CHIC2: variants seen among roughly 807,000 people sequenced by gnomAD.
The protein encoded by CHIC2 is cysteine rich hydrophobic domain 2.
CHIC2 carries 14 observed loss-of-function variants against 25.9 expected under a neutral mutation model. The ratio of observed to expected loss-of-function variants is 0.54; its 90% CI spans 0.36 to 0.85. CHIC2 has a LOEUF of 0.85. Ranked by LOEUF, CHIC2 falls within the 40% of genes least tolerant of loss-of-function variation. The pLI, the probability that CHIC2 is intolerant of heterozygous loss-of-function variation, is 0.01. For missense variants in CHIC2, 146 were observed against 202.0 expected (o/e 0.72, Z 1.68); for synonymous variants, 70 against 72.0 (o/e 0.97, Z 0.14).
At chr4:54,047,003 C>A (rs1423719604) in intron 3 of CHIC2, among the ~76,000 whole-genome samples, 3 of 152,086 alleles carry the variant, frequency 2.0e-5, no homozygotes, top group Non-Finnish European at 4.4e-5. Flanking sequence ...TGAACAGACA[C>A]TTCTCAAAAG....
At chr4:54,072,251 G>C in the CHIC2 span, among the ~76,000 whole-genome samples, 2 of 151,508 alleles carry the variant, frequency 1.3e-5, no homozygotes, top group East Asian at 3.9e-4. Context: ...GCAGTGAGCC[G>C]AGATTGCGCC....
intron 3 of CHIC2, among the ~76,000 whole-genome samples, chr4:54,043,420 C>CAA (rs902677237): frequency 2.9e-4 from 16 of 55,858 alleles, no homozygotes; most frequent in African/African-American, 7.5e-4. Flanking sequence ...GACTCCATTT[C>CAA]AAAAAAAAAA....
At position 54,062,263 on chromosome 4, in the gene CHIC2, G is replaced by A. The variant is rs533399897; in HGVS notation, c.119+1919C>T. 2.0e-5 allele frequency among the ~76,000 whole-genome samples: 3 copies of A among 152,182 alleles called. No homozygotes were observed. In the East Asian group the frequency reaches 5.8e-4, roughly 29 times the overall value. ...AAAGGCATACTGTTTATTGATGATAGATAGTCCCTCCCTATAACCTGGAAT... is the reference window on the plus strand; with the variant it reads ...AAAGGCATACTGTTTATTGATGATAAATAGTCCCTCCCTATAACCTGGAAT... On this transcript the variant is annotated intron_variant, in intron 1 of 5. Coordinates refer to ENST00000263921, the MANE Select transcript of CHIC2 (RefSeq NM_012110.4).
intron 3 of CHIC2, among the ~76,000 whole-genome samples, chr4:54,037,422 A>G (rs1373399614): frequency 1.3e-5 from 2 of 152,286 alleles, no homozygotes; most frequent in East Asian, 3.9e-4. Flanking sequence ...TCATTTAGAT[A>G]AAACTCTAGA....
chr4:54,033,566 T>A (rs940428251), intron 3 of CHIC2, among the ~76,000 whole-genome samples: 2 of 152,180 alleles, frequency 1.3e-5, no homozygotes, highest in African/African-American at 4.8e-5. Context: ...TTAGGGATTG[T>A]GCTGCTAATG....
intron 3 of CHIC2, among the ~76,000 whole-genome samples, chr4:54,040,907 C>G (rs1391506463): frequency 6.6e-6 from 1 of 150,490 alleles, no homozygotes; most frequent in African/African-American, 2.4e-5. Context: ...AATAATAGAA[C>G]AGAATAAAAA....
At chr4:54,074,676 T>A in the CHIC2 span, among the ~76,000 whole-genome samples, 5 of 152,110 alleles carry the variant, frequency 3.3e-5, no homozygotes, top group African/African-American at 1.2e-4. Flanking sequence ...TTTTTTCTTA[T>A]ATTTATGTGA....
Position 54,064,197 on chromosome 4 carries a change from G to C in CHIC2, c.104C>G (p.Ser35Cys), listed in dbSNP as rs1472032437. 1.2e-6 allele frequency: 2 copies of C among 1,604,660 alleles called. No homozygotes were observed. Among genetic ancestry groups the C allele is most frequent in the Non-Finnish European group, 1.7e-6 (2 of 1,175,748 alleles). The change falls in exon 1 of 6, where the codon TCC becomes TGC. Residue 35 changes from serine (S) to cysteine (C), a missense_variant. Coordinates refer to ENST00000263921, the MANE Select transcript of CHIC2 (RefSeq NM_012110.4). This position sits in a 1 kb window ranked among gnomAD's most constrained non-coding sequence, Gnocchi z 4.2. ...YSPDPVVVRG[S>C]GHVTVFGLSN... ...CGGGCCTTACACGGTGACGTGACCGGAGCCGCGGACGACCACCGGGTCCGG... is the reference window on the plus strand; with the variant it reads ...CGGGCCTTACACGGTGACGTGACCGCAGCCGCGGACGACCACCGGGTCCGG...
the CHIC2 span, chr4:54,087,343 C>T: frequency 1.8e-6 from 1 of 563,632 alleles, no homozygotes; most frequent in Non-Finnish European, 3.2e-6. Context: ...ACTTAGTTAC[C>T]AAGCAGAAGC....
chr4:54,024,567 C>T (rs562616368), intron 3 of CHIC2, among the ~76,000 whole-genome samples: 6 of 152,120 alleles, frequency 3.9e-5, no homozygotes, highest in East Asian at 1.9e-4. Context: ...CCAAAATCAC[C>T]GAGGCCCTGA....
At chr4:54,088,360 G>A in the CHIC2 span, among the ~76,000 whole-genome samples, 1 of 151,660 alleles carries the variant, frequency 6.6e-6, no homozygotes, top group Non-Finnish European at 1.5e-5. Flanking sequence ...ATGCATTATT[G>A]TGTAAGCCAC....
intron 1 of CHIC2, among the ~76,000 whole-genome samples, chr4:54,063,860 C>T (rs1717410399): frequency 6.6e-6 from 1 of 152,210 alleles, no homozygotes; most frequent in South Asian, 2.1e-4. Flanking sequence ...AAGGAGGCTC[C>T]CTGTCAATAC....
chr4:54,055,407 G>A (rs1277251984), intron 1 of CHIC2, among the ~76,000 whole-genome samples: 1 of 152,296 alleles, frequency 6.6e-6, no homozygotes, highest in Admixed American at 6.5e-5. Flanking sequence ...AAGAGAAAGA[G>A]GAAAATCAAG....
intron 1 of CHIC2, chr4:54,060,913 A>G (rs981794146): frequency 3.3e-5 from 5 of 152,248 alleles, no homozygotes; most frequent in East Asian, 1.9e-4. Flanking sequence ...ATACTATGCA[A>G]TAACAGGAAT....
At chr4:54,079,639 C>T in the CHIC2 span, among the ~76,000 whole-genome samples, 1 of 151,856 alleles carries the variant, frequency 6.6e-6, no homozygotes, top group Non-Finnish European at 1.5e-5. Flanking sequence ...AGAAGATGTA[C>T]CAATGTCCAG....
In CHIC2 at chr4:54,040,896, T is replaced by G. The variant is rs376679062; in HGVS notation, c.330+8059A>C. Among the ~76,000 whole-genome samples the G allele has an allele frequency of 2.0e-5, 3 of 150,028 alleles. No homozygotes were observed. The East Asian group carries it at 5.9e-4, about 29-fold the overall frequency. ...ACCGTCTCAATCATAATAAGAATAATAATAATAGAACAGAATAAAAACAAG... is the reference window on the plus strand; with the variant it reads ...ACCGTCTCAATCATAATAAGAATAAGAATAATAGAACAGAATAAAAACAAG... On this transcript the variant is annotated intron_variant, in intron 3 of 5. Coordinates refer to ENST00000263921, the MANE Select transcript of CHIC2 (RefSeq NM_012110.4).
At chr4:54,080,156 GTATGTGTATATATATATGTGTATATA>G in the CHIC2 span, among the ~76,000 whole-genome samples, 3 of 141,220 alleles carry the variant, frequency 2.1e-5, no homozygotes, top group Admixed American at 7.1e-5. Flanking sequence ...ATGTGTATAT[GTATGTGTATATATATATGTGTATATA>G]TATGTGTATA....
chr4:54,089,615 A>G, the CHIC2 span, among the ~76,000 whole-genome samples: 2 of 152,190 alleles, frequency 1.3e-5, no homozygotes, highest in African/African-American at 2.4e-5. Flanking sequence ...GTTAAATTAC[A>G]GCATTCATTT....
At chr4:54,046,242 T>G (rs1317619325) in intron 3 of CHIC2, among the ~76,000 whole-genome samples, 1 of 152,130 alleles carries the variant, frequency 6.6e-6, no homozygotes, top group Non-Finnish European at 1.5e-5. Context: ...AATTTATAGA[T>G]TCAATGCCAT....
Sources: gnomAD v4.1 joint callset for allele counts (sites outside exome capture counted in the v4.1 genomes callset) on GRCh38, gnomAD v4.1.1 for gene constraint, Gnocchi (gnomAD v3.1) non-coding constraint, MANE v1.5 for transcripts, NCBI Gene and HGNC (gene_info 2026-07-23, HGNC 2026-07-21) for gene names.